The following SEC14L1 variants were observed in gnomAD, a reference collection of about 807,000 sequenced individuals.
SEC14L1 encodes the protein SEC14 like lipid binding 1, also known as SEC14-like protein 1.
SEC14L1 carries 48 observed loss-of-function variants against 85.3 expected under a neutral mutation model. The ratio of observed to expected loss-of-function variants is 0.56; its 90% CI spans 0.45 to 0.72. The LOEUF (loss-of-function observed/expected upper bound fraction) is 0.72, where lower values mean the gene tolerates loss of function less well. SEC14L1 is among the 30% of genes least tolerant of loss of function. SEC14L1 has a pLI of 0.00. For missense variants in SEC14L1, 682 were observed against 921.4 expected, an observed-to-expected ratio of 0.74 and a Z score of 3.36; for synonymous variants, 391 against 355.5, an observed-to-expected ratio of 1.10 and a Z score of -1.12.
rs527674807 is a variant in SEC14L1 at position 77,208,928 on chromosome 17, T to C, written c.1477-414T>C. Among the ~76,000 whole-genome samples, 202 of 152,382 alleles carry C rather than the reference T, an allele frequency of 1.3e-3. 1 individual carries two copies. The highest frequency in any genetic ancestry group is 4.7e-3 in the African/African-American group (195 of 41,600). ...TTAGACAGAAAACATTATTCATTGA[T>C]TCTGTATCTTCACTATAATTCCCTA... On this transcript the variant is annotated intron_variant, in intron 13 of 16. Transcript: ENST00000436233.
chr17:77,158,619 CA>C (rs75425366), intron 3 of SEC14L1, among the ~76,000 whole-genome samples: 10,226 of 152,026 alleles, frequency 0.067, 447 homozygotes, highest in East Asian at 0.27. Context: ...CCTTCCTCTT[CA>C]GGGGTGAATT....
chr17:77,208,402 A>G (rs1354622197), intron 13 of SEC14L1, among the ~76,000 whole-genome samples: 4 of 152,190 alleles, frequency 2.6e-5, no homozygotes, highest in African/African-American at 9.6e-5. Flanking sequence ...GACACGAAGA[A>G]TTGAGCTGGA....
At chr17:77,193,392 CAGTG>C (rs1348246777) in intron 5 of SEC14L1, 25 bp from the exon 6 acceptor site, 1 of 1,570,364 alleles carries the variant, frequency 6.4e-7, no homozygotes. Context: ...TCAATTCAGT[CAGTG>C]AGAGTGCTTT....
Position 77,213,841 on chromosome 17 carries a change from A to T in SEC14L1, c.2043-77A>T. ...GAGCAGAGAACAGGGTGGGCCACGAAGTCCAGCAGGCAGTGTGGGCCGGCG... is the reference window on the plus strand; with the variant it reads ...GAGCAGAGAACAGGGTGGGCCACGATGTCCAGCAGGCAGTGTGGGCCGGCG... On this transcript the variant is annotated intron_variant, in intron 16 of 16. Transcript: ENST00000436233. The surrounding 1 kb of genome is among the most constrained non-coding windows in gnomAD (Gnocchi z 7.1). The T allele has an allele frequency of 1.3e-6, 2 of 1,558,838 alleles. No individual in the cohort carries two copies. The highest frequency in any genetic ancestry group is 1.8e-6 in the Non-Finnish European group (2 of 1,131,354).
rs1976455423 is a variant in SEC14L1, at chr17:77,206,209, C to T, written c.1170-20C>T. 2 of 1,608,456 alleles carry T rather than the reference C, an allele frequency of 1.2e-6. No homozygotes were observed. Among genetic ancestry groups the T allele is most frequent in the Non-Finnish European group, 1.7e-6 (2 of 1,175,532 alleles). ...AGTGTGCTGTCTGTTGAATGAAACA[C>T]ATCTCTGCACAACCTGCAGCTCATG... On this transcript the variant is annotated intron_variant, in intron 11 of 16. Transcript: ENST00000436233. The surrounding 1 kb of genome is among the most constrained non-coding windows in gnomAD (Gnocchi z 4.3).
At chr17:77,134,051 T>C (rs551677200) in intron 3 of SEC14L1, among the ~76,000 whole-genome samples, 1 of 149,972 alleles carries the variant, frequency 6.7e-6, no homozygotes, top group African/African-American at 2.5e-5. Flanking sequence ...ACAGGAGGAG[T>C]GCTGCAAGAC....
At chr17:77,185,778 C>A (rs1975239140) in intron 3 of SEC14L1, among the ~76,000 whole-genome samples, 1 of 152,010 alleles carries the variant, frequency 6.6e-6, no homozygotes, top group Admixed American at 6.6e-5. Context: ...GGTAGCCAAC[C>A]TGTTTTCCTA....
intron 3 of SEC14L1, among the ~76,000 whole-genome samples, chr17:77,145,251 TC>T (rs111326969): frequency 1.3e-5 from 2 of 152,022 alleles, no homozygotes; most frequent in African/African-American, 2.4e-5. Flanking sequence ...GCCTTGGCCT[TC>T]CAAAGTGCTG....
chr17:77,185,029 C>G (rs1189457127), intron 3 of SEC14L1, among the ~76,000 whole-genome samples: 3 of 152,148 alleles, frequency 2.0e-5, no homozygotes, highest in Non-Finnish European at 4.4e-5. Context: ...ATCTACTGAC[C>G]TTAACATATC....
At chr17:77,129,815 G>A (rs1972561163) in intron 3 of SEC14L1, among the ~76,000 whole-genome samples, 1 of 152,038 alleles carries the variant, frequency 6.6e-6, no homozygotes, top group Non-Finnish European at 1.5e-5. Flanking sequence ...CCCTGTTAGC[G>A]CGACATTCCT....
chr17:77,214,784 C>G lies in SEC14L1; in HGVS notation c.*761C>G. 2 of 985,464 alleles carry G rather than the reference C, an allele frequency of 2.0e-6. No individual in the cohort carries two copies. The highest frequency in any genetic ancestry group is 2.4e-6 in the Non-Finnish European group (2 of 830,012). 61.0% of individuals were successfully genotyped at this position (985,464 alleles called of 1,614,324 possible). A position where few individuals can be genotyped will look rare whatever the true frequency, so the allele number is the denominator to read the frequency against. ...GTATGTGAACTTGGGTGGGGGGGTTCTTCCCGTTTCCTTCCGTGCGTCGCC... is the reference window on the plus strand; with the variant it reads ...GTATGTGAACTTGGGTGGGGGGGTTGTTCCCGTTTCCTTCCGTGCGTCGCC... On this transcript the variant is annotated 3_prime_UTR_variant, in exon 17 of 17. Coordinates refer to ENST00000436233, the MANE Select transcript of SEC14L1 (RefSeq NM_001143998.2).
chr17:77,135,795 C>T (rs1269303229), intron 3 of SEC14L1, among the ~76,000 whole-genome samples: 3 of 152,148 alleles, frequency 2.0e-5, no homozygotes, highest in Non-Finnish European at 4.4e-5. Flanking sequence ...TCCAACTTGG[C>T]TTCCCAAAGA....
intron 3 of SEC14L1, among the ~76,000 whole-genome samples, chr17:77,131,794 C>T (rs1209831936): frequency 1.3e-5 from 2 of 152,096 alleles, no homozygotes; most frequent in Admixed American, 6.5e-5. Context: ...ACTTTTTGCA[C>T]AAGGGAGTGA....
chr17:77,105,672 TA>T (rs1374236930), intron 3 of SEC14L1, among the ~76,000 whole-genome samples: 1 of 152,204 alleles, frequency 6.6e-6, no homozygotes, highest in African/African-American at 2.4e-5. Context: ...AAAAGACTTT[TA>T]AACATTCATG....
At position 77,191,308 on chromosome 17, in the gene SEC14L1, A is replaced by G; in HGVS notation, c.341A>G (p.Tyr114Cys). 1 of 1,614,144 alleles carries G rather than the reference A, an allele frequency of 6.2e-7. No individual in the cohort carries two copies. Among genetic ancestry groups the G allele is most frequent in the Non-Finnish European group, 8.5e-7 (1 of 1,179,988 alleles). ...GTCATCATTAATGAGCATTGCTGCT[A>G]CACCGTGAGTAATCTGTCACTCGGC... is the stretch of plus-strand genomic sequence containing the variant. ...NRVIINEHCC[Y>C]TVHPENEDWT... Residue 114 changes from tyrosine (Y) to cysteine (C), a missense_variant, in exon 5 of 17, where the codon TAC becomes TGC. Around this residue, in one of 3 missense-constraint regions of SEC14L1, gnomAD observed 139 missense variants for 201.3 expected, o/e 0.69. Coordinates refer to ENST00000436233, the MANE Select transcript of SEC14L1 (RefSeq NM_001143998.2).
intron 3 of SEC14L1, among the ~76,000 whole-genome samples, chr17:77,125,588 C>T (rs552646838): frequency 6.6e-6 from 1 of 152,112 alleles, no homozygotes. Flanking sequence ...TGAGTCAAAC[C>T]AATTCAACTG....
At chr17:77,191,931 G>A (rs950747182) in intron 5 of SEC14L1, among the ~76,000 whole-genome samples, 4 of 151,386 alleles carry the variant, frequency 2.6e-5, no homozygotes, top group Admixed American at 6.6e-5. Context: ...CAAGTAGCTG[G>A]GATTACAGGC....
intron 3 of SEC14L1, among the ~76,000 whole-genome samples, chr17:77,118,727 C>T (rs1972233376): frequency 6.6e-6 from 1 of 152,180 alleles, no homozygotes; most frequent in Non-Finnish European, 1.5e-5. Flanking sequence ...TTCAGATGTT[C>T]GTAGCAGGCG....
chr17:77,155,095 C>T (rs1044909620), intron 3 of SEC14L1, among the ~76,000 whole-genome samples: 1 of 152,314 alleles, frequency 6.6e-6, no homozygotes, highest in South Asian at 2.1e-4. Context: ...GGCAGCACTT[C>T]CTGGGCAGCC....
Sources: allele counts gnomAD v4.1 joint callset (sites outside exome capture counted in the v4.1 genomes callset), GRCh38; gene constraint gnomAD v4.1.1; regional missense constraint gnomAD v4.1.1; non-coding constraint Gnocchi (gnomAD v3.1); transcripts MANE v1.5; gene names NCBI Gene and HGNC (gene_info 2026-07-23, HGNC 2026-07-21).